The following LRRC4C variants were observed in gnomAD, a reference collection of about 807,000 sequenced individuals.
LRRC4C encodes leucine-rich repeat-containing protein 4C.
A neutral mutation model predicts 33.6 loss-of-function variants in LRRC4C; 5 were observed. That is an observed-to-expected ratio of 0.15 (90% CI 0.08 to 0.31). The LOEUF (loss-of-function observed/expected upper bound fraction) is 0.31, where lower values mean the gene tolerates loss of function less well. Ranked by LOEUF, LRRC4C falls within the 10% of genes least tolerant of loss-of-function variation. The pLI, the probability that LRRC4C is intolerant of heterozygous loss-of-function variation, is 1.00. For synonymous variants in LRRC4C, 329 were observed against 302.0 expected (o/e 1.09, Z -0.93); for missense variants, 560 against 796.7 (o/e 0.70, Z 3.58).
chr11:41,120,812 G>A (rs1942385838), intron 1 of LRRC4C, among the ~76,000 whole-genome samples: 2 of 152,104 alleles, frequency 1.3e-5, no homozygotes, highest in Non-Finnish European at 2.9e-5. Flanking sequence ...GATCATGGGG[G>A]CAGATTTCTC....
chr11:41,117,168 C>A (rs1320232034), intron 1 of LRRC4C, among the ~76,000 whole-genome samples: 1 of 152,110 alleles, frequency 6.6e-6, no homozygotes, highest in Middle Eastern at 3.2e-3. Flanking sequence ...AAGTCATCTA[C>A]CCTACCTGCA....
At chr11:41,202,980 T>C (rs1371786430) in intron 1 of LRRC4C, among the ~76,000 whole-genome samples, 1 of 152,180 alleles carries the variant, frequency 6.6e-6, no homozygotes, top group Non-Finnish European at 1.5e-5. Context: ...GAGACGGGGT[T>C]TCACCATGTT....
At chr11:40,268,237 A>G (rs1322962851) in intron 4 of LRRC4C, among the ~76,000 whole-genome samples, 2 of 152,202 alleles carry the variant, frequency 1.3e-5, no homozygotes, top group African/African-American at 4.8e-5. Flanking sequence ...TGACTTGTCA[A>G]AGCAACTAGT....
chr11:41,310,291 T>G (rs1160801305), intron 1 of LRRC4C, among the ~76,000 whole-genome samples: 2 of 152,220 alleles, frequency 1.3e-5, no homozygotes, highest in Non-Finnish European at 2.9e-5. Context: ...AGGAAATGTT[T>G]TAAGGAGAAG....
chr11:40,568,626 A>G (rs12098900), intron 3 of LRRC4C, among the ~76,000 whole-genome samples: 1,812 of 152,328 alleles, frequency 0.012, 25 homozygotes, highest in African/African-American at 0.027. Context: ...GATTGATATG[A>G]GCAGAAACAC....
At chr11:41,030,948 T>A (rs1856696899) in intron 1 of LRRC4C, among the ~76,000 whole-genome samples, 1 of 151,858 alleles carries the variant, frequency 6.6e-6, no homozygotes, top group African/African-American at 2.4e-5. Flanking sequence ...TTTTCTGGCT[T>A]TGAAAACCCT....
chr11:41,341,324 GAGA>G (rs1228060742), intron 1 of LRRC4C, among the ~76,000 whole-genome samples: 3 of 152,140 alleles, frequency 2.0e-5, no homozygotes, highest in Non-Finnish European at 1.5e-5. Flanking sequence ...ACTCATCTGA[GAGA>G]AGAAGAATAA....
At chr11:41,396,065 G>A (rs190628601) in intron 1 of LRRC4C, among the ~76,000 whole-genome samples, 2 of 151,862 alleles carry the variant, frequency 1.3e-5, no homozygotes, top group Non-Finnish European at 2.9e-5. Context: ...TCGGCTCAAC[G>A]GCTATTGTTA....
chr11:41,163,282 C>CTTT (rs1207086558), intron 1 of LRRC4C, among the ~76,000 whole-genome samples: 1 of 18,542 alleles, frequency 5.4e-5, no homozygotes, highest in Admixed American at 9.7e-4. Flanking sequence ...TTTACTGTAA[C>CTTT]TGTTTTTTTT....
intron 5 of LRRC4C, among the ~76,000 whole-genome samples, chr11:40,229,397 C>G (rs377047710): frequency 2.0e-5 from 3 of 152,012 alleles, no homozygotes; most frequent in Non-Finnish European, 2.9e-5. Context: ...CTCAGCCTCT[C>G]GAGTAGCTGG....
intron 5 of LRRC4C, among the ~76,000 whole-genome samples, chr11:40,170,962 T>C (rs1859998974): frequency 6.6e-6 from 1 of 152,180 alleles, no homozygotes; most frequent in Non-Finnish European, 1.5e-5. Context: ...GGAAGGCATA[T>C]AATATGTAGC....
intron 1 of LRRC4C, among the ~76,000 whole-genome samples, chr11:41,313,321 A>C (rs1317186834): frequency 6.6e-6 from 1 of 152,242 alleles, no homozygotes; most frequent in Non-Finnish European, 1.5e-5. Context: ...AATTTTAATT[A>C]ATGAAGAAAA....
chr11:40,171,281 G>T (rs910717366), intron 5 of LRRC4C, among the ~76,000 whole-genome samples: 16 of 152,006 alleles, frequency 1.1e-4, no homozygotes, highest in African/African-American at 3.9e-4. Flanking sequence ...TCTGCATGTG[G>T]TTATCTTTTA....
intron 3 of LRRC4C, among the ~76,000 whole-genome samples, chr11:40,529,320 T>C (rs1229655418): frequency 6.6e-6 from 1 of 152,096 alleles, no homozygotes; most frequent in Non-Finnish European, 1.5e-5. Flanking sequence ...TATATTATAT[T>C]CTATATTTAT....
intron 3 of LRRC4C, among the ~76,000 whole-genome samples, chr11:40,478,134 A>T (rs1262254435): frequency 6.6e-6 from 1 of 152,116 alleles, no homozygotes; most frequent in Non-Finnish European, 1.5e-5. Flanking sequence ...CAAATTTCCC[A>T]ATCTTGGTAA....
At chr11:41,287,211 C>T (rs1157682483) in intron 1 of LRRC4C, among the ~76,000 whole-genome samples, 1 of 152,106 alleles carries the variant, frequency 6.6e-6, no homozygotes, top group Middle Eastern at 3.2e-3. Flanking sequence ...TTATATTTCA[C>T]TAAATAAGTT....
At chr11:41,006,461 C>T (rs1179280003) in intron 1 of LRRC4C, among the ~76,000 whole-genome samples, 6 of 152,122 alleles carry the variant, frequency 3.9e-5, no homozygotes, top group Non-Finnish European at 7.3e-5. Context: ...GGCCACTCCC[C>T]AATTAGCTAC....
intron 3 of LRRC4C, among the ~76,000 whole-genome samples, chr11:40,362,024 A>C (rs1947978509): frequency 6.6e-6 from 1 of 152,208 alleles, no homozygotes. Flanking sequence ...AGGATTCCCT[A>C]TTCAATAAAT....
intron 1 of LRRC4C, among the ~76,000 whole-genome samples, chr11:41,178,986 C>T (rs1289325700): frequency 6.6e-6 from 1 of 152,150 alleles, no homozygotes; most frequent in Non-Finnish European, 1.5e-5. Context: ...CAAGCCTGAG[C>T]CACCGTGCCC....
Sources: gnomAD v4.1 joint callset for allele counts (sites outside exome capture counted in the v4.1 genomes callset) on GRCh38, gnomAD v4.1.1 for gene constraint, MANE v1.5 for transcripts, NCBI Gene and HGNC (gene_info 2026-07-23, HGNC 2026-07-21) for gene names.